The following PRKG1 variants were observed in gnomAD, a reference collection of about 807,000 sequenced individuals.
PRKG1 encodes the protein cGMP-dependent protein kinase 1.
A neutral mutation model predicts 88.1 loss-of-function variants in PRKG1; 35 were observed. The ratio of observed to expected loss-of-function variants is 0.40; its 90% CI spans 0.30 to 0.53. The LOEUF is 0.53. Among genes scored for constraint, PRKG1 ranks in the 20% least tolerant of loss-of-function variants. PRKG1 has a pLI of 0.59. For missense variants in PRKG1, 540 were observed against 839.8 expected, an observed-to-expected ratio of 0.64 and a Z score of 4.41; for synonymous variants, 303 against 292.5, an observed-to-expected ratio of 1.04 and a Z score of -0.37.
chr10:52,172,213 C>T (rs1838718679), intron 9 of PRKG1, among the ~76,000 whole-genome samples: 1 of 152,200 alleles, frequency 6.6e-6, no homozygotes. Context: ...CCAGTATGTG[C>T]TTGCTTGCAG....
chr10:51,334,459 A>T (rs942352361), intron 2 of PRKG1, among the ~76,000 whole-genome samples: 18 of 152,300 alleles, frequency 1.2e-4, no homozygotes, highest in African/African-American at 4.3e-4. Flanking sequence ...ATTGTTATAA[A>T]TGAATGAATG....
At position 51,290,263 on chromosome 10, in the gene PRKG1, G is replaced by A. The variant is rs187239952; in HGVS notation, c.478+136933G>A. Among the ~76,000 whole-genome samples, 7 of 152,000 alleles carry A rather than the reference G, an allele frequency of 4.6e-5. No individual in the cohort carries two copies. In the East Asian group the frequency reaches 7.8e-4, roughly 17 times the overall value. On this transcript the variant is annotated intron_variant, in intron 2 of 17. Coordinates refer to ENST00000373980, the MANE Select transcript of PRKG1 (RefSeq NM_006258.4). Reference sequence around the variant, plus strand: ...TCAAAAAACAAACAAAAAAAAAGACGAGTAACAAAGAATTATACAAAATTT... The same window carrying A: ...TCAAAAAACAAACAAAAAAAAAGACAAGTAACAAAGAATTATACAAAATTT...
chr10:51,508,488 A>C (rs1183105364), intron 3 of PRKG1, among the ~76,000 whole-genome samples: 1 of 152,146 alleles, frequency 6.6e-6, no homozygotes, highest in Non-Finnish European at 1.5e-5. Flanking sequence ...TAGATATATA[A>C]AATTAGCAGA....
intron 5 of PRKG1, among the ~76,000 whole-genome samples, chr10:52,003,008 G>A (rs769040538): frequency 7.2e-5 from 11 of 152,158 alleles, no homozygotes; most frequent in Middle Eastern, 3.2e-3. Flanking sequence ...TATTCTGGCT[G>A]TGTCTCATTT....
chr10:51,229,934 A>AAAAAAAAAAAAAAGAAAAAAAAAAAAG, intron 2 of PRKG1, among the ~76,000 whole-genome samples: 6 of 141,098 alleles, frequency 4.3e-5, no homozygotes, highest in African/African-American at 1.6e-4. Flanking sequence ...CTCAAAAAAA[A>AAAAAAAAAAAAAAGAAAAAAAAAAAAG]AAAAAAAAAA....
chr10:52,193,563 C>CAAAAAAAAAAAAAAAAA (rs67349420), intron 9 of PRKG1, among the ~76,000 whole-genome samples: 1 of 118,514 alleles, frequency 8.4e-6, no homozygotes, highest in African/African-American at 3.3e-5. Context: ...AAAAAAAAAA[C>CAAAAAAAAAAAAAAAAA]AAAAAAAAAA....
At chr10:51,680,408 T>G (rs1031200823) in intron 3 of PRKG1, among the ~76,000 whole-genome samples, 1 of 152,266 alleles carries the variant, frequency 6.6e-6, no homozygotes, top group African/African-American at 2.4e-5. Flanking sequence ...TTGCTTTCGC[T>G]TCTTTGTTCC....
At chr10:52,056,684 AACTT>A (rs1160470461) in intron 6 of PRKG1, among the ~76,000 whole-genome samples, 1 of 152,140 alleles carries the variant, frequency 6.6e-6, no homozygotes, top group Non-Finnish European at 1.5e-5. Flanking sequence ...AATTTCTACT[AACTT>A]ACTTTTTTAG....
intron 1 of PRKG1, among the ~76,000 whole-genome samples, chr10:51,088,490 A>G (rs1844312216): frequency 6.6e-6 from 1 of 151,378 alleles, no homozygotes; most frequent in South Asian, 2.1e-4. Context: ...TCGCTCACAT[A>G]GCATTTAATA....
At chr10:51,636,195 A>T (rs1839652332) in intron 3 of PRKG1, among the ~76,000 whole-genome samples, 1 of 152,166 alleles carries the variant, frequency 6.6e-6, no homozygotes, top group African/African-American at 2.4e-5. Flanking sequence ...TTTATGCCTC[A>T]CACTTCTTGA....
chr10:51,888,661 C>T (rs1041909047), intron 4 of PRKG1, among the ~76,000 whole-genome samples: 1 of 152,140 alleles, frequency 6.6e-6, no homozygotes, highest in African/African-American at 2.4e-5. Context: ...GAACTCCAGG[C>T]ACTGGTTGAT....
At chr10:51,584,166 A>C (rs16919896) in intron 3 of PRKG1, among the ~76,000 whole-genome samples, 3,848 of 152,192 alleles carry the variant, frequency 0.025, 140 homozygotes, top group African/African-American at 0.082. Context: ...GTTGAACCTC[A>C]GGGTAACTCA....
intron 3 of PRKG1, among the ~76,000 whole-genome samples, chr10:51,736,256 A>G (rs1039906012): frequency 1.3e-5 from 2 of 151,936 alleles, no homozygotes; most frequent in Non-Finnish European, 2.9e-5. Context: ...GGCATTGGCT[A>G]CTTTAAAAAA....
At chr10:51,080,186 A>G (rs1226389946) in intron 1 of PRKG1, among the ~76,000 whole-genome samples, 1 of 152,168 alleles carries the variant, frequency 6.6e-6, no homozygotes, top group East Asian at 1.9e-4. Flanking sequence ...CTAAAACCCT[A>G]TTAGGGTATT....
chr10:51,652,002 G>A (rs1389718401), intron 3 of PRKG1, among the ~76,000 whole-genome samples: 1 of 152,088 alleles, frequency 6.6e-6, no homozygotes, highest in African/African-American at 2.4e-5. Flanking sequence ...ACATTATTTA[G>A]TTTAGAGAAG....
intron 3 of PRKG1, among the ~76,000 whole-genome samples, chr10:51,611,151 A>G (rs1016964419): frequency 6.6e-6 from 1 of 151,866 alleles, no homozygotes; most frequent in African/African-American, 2.4e-5. Context: ...CAGTAGTGGG[A>G]TTGCTGGATA....
chr10:51,268,865 C>T (rs1002754243), intron 2 of PRKG1, among the ~76,000 whole-genome samples: 5 of 152,262 alleles, frequency 3.3e-5, no homozygotes, highest in South Asian at 2.1e-4. Flanking sequence ...TCAGTAAAGA[C>T]AGGCGTAAGA....
intron 2 of PRKG1, among the ~76,000 whole-genome samples, chr10:51,443,798 G>A (rs1488610785): frequency 2.6e-5 from 4 of 151,962 alleles, no homozygotes; most frequent in Admixed American, 2.6e-4. Flanking sequence ...ACATAACCTG[G>A]CCTGGGTAAC....
intron 9 of PRKG1, among the ~76,000 whole-genome samples, chr10:52,207,875 T>G (rs1839862292): frequency 6.6e-6 from 1 of 151,990 alleles, no homozygotes; most frequent in African/African-American, 2.4e-5. Flanking sequence ...ATGCCTTCCC[T>G]CTGAAGATCT....
Sources: gnomAD v4.1 joint callset for allele counts (sites outside exome capture counted in the v4.1 genomes callset) on GRCh38, gnomAD v4.1.1 for gene constraint, MANE v1.5 for transcripts, NCBI Gene and HGNC (gene_info 2026-07-23, HGNC 2026-07-21) for gene names.